The following EXTL3 variants were observed in gnomAD, a reference collection of about 807,000 sequenced individuals.
EXTL3 encodes exostosin like glycosyltransferase 3.
A neutral mutation model predicts 69.3 loss-of-function variants in EXTL3; 27 were observed. That is an observed-to-expected ratio of 0.39 (90% CI 0.29 to 0.54). The LOEUF is 0.54. EXTL3 is among the 20% of genes least tolerant of loss of function. The pLI is 0.69. For synonymous variants in EXTL3, 511 were observed against 499.4 expected, an observed-to-expected ratio of 1.02 and a Z score of -0.31; for missense variants, 1,003 against 1,231.8, an observed-to-expected ratio of 0.81 and a Z score of 2.78.
At chr8:28,640,203 A>G (rs750473489) in intron 1 of EXTL3, among the ~76,000 whole-genome samples, 1 of 152,246 alleles carries the variant, frequency 6.6e-6, no homozygotes, top group Non-Finnish European at 1.5e-5. Flanking sequence ...TACAAAGTAT[A>G]ACTCAATATG....
intron 1 of EXTL3, among the ~76,000 whole-genome samples, chr8:28,641,751 C>A (rs1239552449): frequency 6.6e-6 from 1 of 152,138 alleles, no homozygotes; most frequent in South Asian, 2.1e-4. Flanking sequence ...CGTGGCCTCC[C>A]AAAGTACTGG....
chr8:28,625,517 A>C (rs1806477479), intron 1 of EXTL3, among the ~76,000 whole-genome samples: 3 of 152,342 alleles, frequency 2.0e-5, no homozygotes, highest in South Asian at 2.1e-4. Flanking sequence ...AGGTTATAGA[A>C]GTAGTTATTC....
At chr8:28,616,783 G>A (rs1375561341) in intron 2 of EXTL3, among the ~76,000 whole-genome samples, 1 of 152,180 alleles carries the variant, frequency 6.6e-6, no homozygotes, top group Non-Finnish European at 1.5e-5. Flanking sequence ...GAGTGCATCA[G>A]GGTTCCCAGG....
rs28480556 is a variant in EXTL3, at chr8:28,643,594, A to G, written c.-53+20784A>G. On this transcript the variant is annotated intron_variant, in intron 1 of 6. Coordinates refer to the EXTL3 transcript ENST00000523149. Reference sequence around the variant, plus strand: ...CACACCCGGCTAATTTTTTTTTTGTATTTTTAGTAGAGATGGGGTTTCACC... The same window carrying G: ...CACACCCGGCTAATTTTTTTTTTGTGTTTTTAGTAGAGATGGGGTTTCACC... Among the ~76,000 whole-genome samples, 919 of 147,252 alleles carry G rather than the reference A, an allele frequency of 6.2e-3. 7 individuals are homozygous for G. Among genetic ancestry groups the G allele is most frequent in the African/African-American group, 0.022 (859 of 39,920 alleles).
chr8:28,686,333 CAA>C (rs542892730), intron 1 of EXTL3, among the ~76,000 whole-genome samples: 21 of 123,296 alleles, frequency 1.7e-4, no homozygotes, highest in African/African-American at 1.8e-4. Context: ...CTCTCTCTCT[CAA>C]AAAAAAAAAA....
intron 2 of EXTL3, among the ~76,000 whole-genome samples, chr8:28,617,033 G>A (rs1806339755): frequency 6.6e-6 from 1 of 152,230 alleles, no homozygotes; most frequent in Admixed American, 6.5e-5. Context: ...CCCACTTCCT[G>A]TTAAGAGTGT....
At chr8:28,632,423 C>T (rs898286095) in intron 1 of EXTL3, among the ~76,000 whole-genome samples, 2 of 151,924 alleles carry the variant, frequency 1.3e-5, no homozygotes, top group Non-Finnish European at 2.9e-5. Context: ...TCTCGTATTT[C>T]TTGGTTGTTT....
At chr8:28,731,109 C>T in intron 3 of EXTL3, 114 bp from the exon 4 acceptor site, 1 of 1,347,068 alleles carries the variant, frequency 7.4e-7, no homozygotes, top group African/African-American at 1.4e-5. Context: ...GCGCGGAGAT[C>T]AGGCAAAATT....
intron 1 of EXTL3, among the ~76,000 whole-genome samples, chr8:28,625,592 C>A (rs1478650156): frequency 6.6e-6 from 1 of 152,104 alleles, no homozygotes; most frequent in East Asian, 1.9e-4. Context: ...TCACTCTATT[C>A]CTATTCATGT....
chr8:28,630,362 A>G (rs959753136), intron 1 of EXTL3, among the ~76,000 whole-genome samples: 1 of 152,174 alleles, frequency 6.6e-6, no homozygotes, highest in African/African-American at 2.4e-5. Flanking sequence ...TTTTCTTTAT[A>G]AATTACCCAG....
At chr8:28,632,616 C>T (rs966983758) in intron 1 of EXTL3, among the ~76,000 whole-genome samples, 8 of 143,864 alleles carry the variant, frequency 5.6e-5, no homozygotes, top group Admixed American at 2.9e-4. Context: ...TAGAGTGGTA[C>T]GATCTCGGCT....
At chr8:28,619,189 T>C (rs542959939), upstream of EXTL3, among the ~76,000 whole-genome samples, 11 of 133,122 alleles carry the variant, frequency 8.3e-5, no homozygotes, top group East Asian at 2.1e-3. Context: ...CAGGAGACCA[T>C]ATGTCCTTCT....
chr8:28,688,060 C>CTT (rs149041444), intron 1 of EXTL3, among the ~76,000 whole-genome samples: 2,503 of 131,894 alleles, frequency 0.019, 89 homozygotes, highest in African/African-American at 0.063. Flanking sequence ...GAAGAGATGA[C>CTT]TTTTTTTTTT....
At chr8:28,683,132 T>C (rs900377278) in intron 1 of EXTL3, among the ~76,000 whole-genome samples, 2 of 152,238 alleles carry the variant, frequency 1.3e-5, no homozygotes, top group African/African-American at 2.4e-5. Context: ...TCTGTTTTCA[T>C]AGCAGTACCA....
chr8:28,672,280 T>C (rs1180932272), intron 1 of EXTL3, among the ~76,000 whole-genome samples: 4 of 151,818 alleles, frequency 2.6e-5, no homozygotes, highest in African/African-American at 7.3e-5. Flanking sequence ...TAGCCGGGCA[T>C]GGTGGTGGGC....
chr8:28,613,360 T>A (rs1471905208), intron 2 of EXTL3, among the ~76,000 whole-genome samples: 1 of 151,968 alleles, frequency 6.6e-6, no homozygotes, highest in South Asian at 2.1e-4. Context: ...ATTTTTGTAT[T>A]TTTAGTAGAG....
At chr8:28,674,178 C>T (rs1366150838) in intron 1 of EXTL3, among the ~76,000 whole-genome samples, 1 of 152,118 alleles carries the variant, frequency 6.6e-6, no homozygotes, top group East Asian at 1.9e-4. Context: ...TGCTTAGGCT[C>T]AAGTGATCCT....
At chr8:28,634,457 G>A (rs1392843868) in intron 1 of EXTL3, among the ~76,000 whole-genome samples, 1 of 151,996 alleles carries the variant, frequency 6.6e-6, no homozygotes, top group Admixed American at 6.6e-5. Context: ...GGGTCCCTCC[G>A]TTTCCCACCC....
At chr8:28,653,451 C>A (rs1386352312) in intron 1 of EXTL3, among the ~76,000 whole-genome samples, 1 of 152,178 alleles carries the variant, frequency 6.6e-6, no homozygotes, top group Admixed American at 6.5e-5. Flanking sequence ...ACTGCCTAAT[C>A]TAAGACCATG....
Sources: allele counts gnomAD v4.1 joint callset (sites outside exome capture counted in the v4.1 genomes callset), GRCh38; gene constraint gnomAD v4.1.1; transcripts MANE v1.5; gene names NCBI Gene and HGNC (gene_info 2026-07-23, HGNC 2026-07-21).